Variants in CLCA4 observed in about 807,000 individuals in gnomAD.
CLCA4 encodes calcium-activated chloride channel regulator 4.
CLCA4 carries 69 observed loss-of-function variants against 78.9 expected under a neutral mutation model. The ratio of observed to expected loss-of-function variants is 0.87; its 90% CI spans 0.72 to 1.07. The LOEUF is 1.07. Among genes scored for constraint, CLCA4 ranks in the 50% least tolerant of loss-of-function variants. The probability of loss-of-function intolerance (pLI) is 0.00; values close to 1 mark genes in which losing one functional copy is unlikely to be tolerated. For synonymous variants in CLCA4, 362 were observed against 375.8 expected (o/e 0.96, Z 0.42); for missense variants, 1,133 against 1,095.8 (o/e 1.03, Z -0.48).
At chr1:86,579,145 G>A (rs1450148232) in intron 12 of CLCA4, among the ~76,000 whole-genome samples, 1 of 151,930 alleles carries the variant, frequency 6.6e-6, no homozygotes, top group Non-Finnish European at 1.5e-5. Flanking sequence ...TAATTCTAAA[G>A]CAATTTGTTT....
intron 1 of CLCA4, among the ~76,000 whole-genome samples, chr1:86,547,688 A>T (rs1345555666): frequency 6.6e-6 from 1 of 152,152 alleles, no homozygotes. Flanking sequence ...ACCCTGGTTT[A>T]GTTCCTGCAT....
intron 1 of CLCA4, chr1:86,552,839 G>A: frequency 1.2e-6 from 1 of 828,532 alleles, no homozygotes; most frequent in African/African-American, 1.7e-5. Flanking sequence ...TTAGTCTCCA[G>A]CGTTTCATAT....
chr1:86,576,479 G>A (rs1650526303), intron 11 of CLCA4, among the ~76,000 whole-genome samples: 2 of 152,000 alleles, frequency 1.3e-5, no homozygotes, highest in South Asian at 4.1e-4. Flanking sequence ...CACCATGCCT[G>A]GCCATACATG....
intron 1 of CLCA4, among the ~76,000 whole-genome samples, chr1:86,558,671 G>A (rs1326901605): frequency 6.6e-6 from 1 of 152,192 alleles, no homozygotes; most frequent in Non-Finnish European, 1.5e-5. Context: ...GGAAGGAGAA[G>A]TATGAGAGCC....
chr1:86,553,482 C>T (rs966169928), intron 1 of CLCA4: 2 of 319,084 alleles, frequency 6.3e-6, no homozygotes, highest in African/African-American at 2.2e-5. Flanking sequence ...GTCCGACCCG[C>T]GAGTCTGCCC....
Position 86,574,670 on chromosome 1 carries a change from G to C in CLCA4, c.1598G>C (p.Trp533Ser). 1.2e-6 allele frequency: 2 copies of C among 1,613,200 alleles called. No homozygotes were observed. The highest frequency in any genetic ancestry group is 1.7e-6 in the Non-Finnish European group (2 of 1,179,510). ...WNSLPPSISLWDPSGTIMENF... is the reference protein window; with the variant it reads ...WNSLPPSISLSDPSGTIMENF... ...AGTCTGCCTCCCAGTATTTCTCTCT[G>C]GGATCCCAGTGGAACAATAATGGAA... The change falls in exon 10 of 14, where the codon TGG (tryptophan) becomes TCG (serine). Residue 533 changes from tryptophan to serine, a missense_variant. Physicochemically the swap from Trp to Ser is radical, Grantham distance 177. Transcript: ENST00000370563.
At chr1:86,565,179 C>A in intron 4 of CLCA4, 95 bp from the exon 5 acceptor site, 2 of 791,130 alleles carry the variant, frequency 2.5e-6, no homozygotes, top group Non-Finnish European at 2.0e-6. Flanking sequence ...GAATAAACAT[C>A]TTGATATAAA....
chr1:86,563,888 A>G (rs1558188287), intron 4 of CLCA4, 119 bp downstream of exon 4: 1 of 503,122 alleles, frequency 2.0e-6, no homozygotes, highest in Admixed American at 4.0e-5. Context: ...CAATGCTTTT[A>G]TTTTTTTTTA....
At position 86,571,096 on chromosome 1, in the gene CLCA4, C is replaced by T; in HGVS notation, c.1202C>T (p.Ser401Phe). The T allele has an allele frequency of 2.5e-6, 4 of 1,611,190 alleles. No homozygotes were observed. Among genetic ancestry groups the T allele is most frequent in the Non-Finnish European group, 3.4e-6 (4 of 1,177,856 alleles). Residue 401 changes from serine (S) to phenylalanine (F), a missense_variant, in exon 8 of 14, where the codon TCC becomes TTC. Transcript: ENST00000370563. ...TTGCAGGTGATTGGAGAGCTACATT[C>T]CCAACTCGATGGATCCGAAGTACTG... is the stretch of plus-strand genomic sequence containing the variant. ...YAFQVIGELH[S>F]QLDGSEVLLL...
At chr1:86,557,672 A>G (rs1649890098) in intron 1 of CLCA4, among the ~76,000 whole-genome samples, 1 of 152,178 alleles carries the variant, frequency 6.6e-6, no homozygotes, top group Admixed American at 6.5e-5. Context: ...TGTGGTGATG[A>G]GAAGAATGTA....
chr1:86,579,445 A>C lies in CLCA4; in HGVS notation c.2214A>C (p.Ala738=). The C allele has an allele frequency of 6.2e-7, 1 of 1,613,378 alleles. No individual in the cohort carries two copies. Among genetic ancestry groups the C allele is most frequent in the Non-Finnish European group, 8.5e-7 (1 of 1,179,540 alleles). The change falls in exon 13 of 14, where the codon GCA becomes GCC. Residue 738 remains alanine (A), a synonymous_variant. Coordinates refer to ENST00000370563, the MANE Select transcript of CLCA4 (RefSeq NM_012128.4). ...EDFSRTASGG[A]FVVSQVPSLP... is the part of the protein sequence containing the mutation. The stretch of plus-strand genomic sequence containing the variant: ...TCAGCCGAACAGCATCCGGAGGTGC[A>C]TTTGTGGTATCACAAGTCCCAAGCC...
At chr1:86,547,541 C>T (rs1326760482) in intron 1 of CLCA4, among the ~76,000 whole-genome samples, 6 of 152,140 alleles carry the variant, frequency 3.9e-5, no homozygotes, top group Admixed American at 3.9e-4. Context: ...TCCTATTGTA[C>T]TATCAAATAC....
At chr1:86,554,342 G>A (rs940178089) in intron 1 of CLCA4, among the ~76,000 whole-genome samples, 4 of 152,156 alleles carry the variant, frequency 2.6e-5, no homozygotes, top group Non-Finnish European at 4.4e-5. Context: ...TTTTATGGCT[G>A]TGTAGTATTC....
intron 1 of CLCA4, among the ~76,000 whole-genome samples, chr1:86,553,891 G>A (rs1031469786): frequency 2.6e-5 from 4 of 152,052 alleles, no homozygotes; most frequent in African/African-American, 9.7e-5. Context: ...AGCCAAGATT[G>A]AGACATTGAA....
chr1:86,577,086 G>A (rs1166743063), intron 11 of CLCA4, among the ~76,000 whole-genome samples: 1 of 152,036 alleles, frequency 6.6e-6, no homozygotes, highest in African/African-American at 2.4e-5. Flanking sequence ...GTACCTCAAT[G>A]CCTTCTTCAG....
chr1:86,558,054 A>G (rs958780769), intron 1 of CLCA4, among the ~76,000 whole-genome samples: 1 of 151,362 alleles, frequency 6.6e-6, no homozygotes, highest in African/African-American at 2.4e-5. Flanking sequence ...GGTTTTCTCC[A>G]TCTTTTTATT....
At chr1:86,555,645 T>G (rs1199234070) in intron 1 of CLCA4, among the ~76,000 whole-genome samples, 1 of 152,194 alleles carries the variant, frequency 6.6e-6, no homozygotes, top group Admixed American at 6.5e-5. Context: ...GCCTCCAGTT[T>G]TGTTCTTTTT....
intron 12 of CLCA4, among the ~76,000 whole-genome samples, chr1:86,578,549 C>G (rs138994846): frequency 7.9e-5 from 12 of 152,100 alleles, no homozygotes; most frequent in African/African-American, 2.9e-4. Flanking sequence ...AGTGAGAACA[C>G]GCAGTATTTT....
intron 1 of CLCA4, chr1:86,552,820 C>CG: frequency 1.0e-6 from 1 of 958,640 alleles, no homozygotes; most frequent in Non-Finnish European, 1.7e-6. Flanking sequence ...TTCCATGTAG[C>CG]GGGGGATTTT....
Sources: allele counts gnomAD v4.1 joint callset (sites outside exome capture counted in the v4.1 genomes callset), GRCh38; gene constraint gnomAD v4.1.1; transcripts MANE v1.5; gene names NCBI Gene and HGNC (gene_info 2026-07-23, HGNC 2026-07-21).